Variants in ERI3 observed in about 807,000 individuals in gnomAD.
ERI3 encodes the protein ERI1 exoribonuclease 3.
A neutral mutation model predicts 44.4 loss-of-function variants in ERI3; 18 were observed. The ratio of observed to expected loss-of-function variants is 0.41; its 90% CI spans 0.28 to 0.60. The LOEUF (loss-of-function observed/expected upper bound fraction) is 0.60, where lower values mean the gene tolerates loss of function less well. ERI3 is among the 20% of genes least tolerant of loss of function. The pLI is 0.36. For synonymous variants in ERI3, 183 were observed against 164.8 expected, an observed-to-expected ratio of 1.11 and a Z score of -0.84; for missense variants, 294 against 435.5, an observed-to-expected ratio of 0.68 and a Z score of 2.89.
chr1:44,312,970 GA>G (rs1296034045), intron 5 of ERI3, among the ~76,000 whole-genome samples, 198 bp downstream of exon 5: 3 of 152,370 alleles, frequency 2.0e-5, no homozygotes, highest in Non-Finnish European at 2.9e-5. Flanking sequence ...CATCTTGTCA[GA>G]AACCCTGACG....
chr1:44,244,925 G>A (rs1644522327), intron 8 of ERI3, among the ~76,000 whole-genome samples: 1 of 152,110 alleles, frequency 6.6e-6, no homozygotes, highest in Non-Finnish European at 1.5e-5. Flanking sequence ...TGGCTCAGCT[G>A]TGGGATCTGC....
In ERI3 at chr1:44,313,202, C is replaced by T. The variant is rs1177697661; in HGVS notation, c.633G>A (p.Val211=). ...CTTGCTGCAGGCTTGGCTGACCATC[C>T]ACCATGGCTTGAATAATCCCGGTGA... ...TELTGIIQAM[V]DGQPSLQQVL... is the part of the protein sequence containing the mutation. The change falls in exon 5 of 9, where the codon GTG becomes GTA. Residue 211 remains valine (V), a synonymous_variant. Transcript: ENST00000372257. 1 of 1,614,142 alleles carries T rather than the reference C, an allele frequency of 6.2e-7. No homozygotes were observed.
rs76575541 is a variant in ERI3, at chr1:44,307,281, C to T, written c.758+1029G>A. ...TGGGTACATAACTTCACCTCAATGC[C>T]CAGCATTCAAACGGCTTACAAAGGG... On this transcript the variant is annotated intron_variant, in intron 6 of 8. Transcript: ENST00000372257. 2.7e-3 allele frequency among the ~76,000 whole-genome samples: 414 copies of T among 152,130 alleles called. 1 individual carries two copies. Among genetic ancestry groups the T allele is most frequent in the South Asian group, 6.6e-3 (32 of 4,818 alleles).
At chr1:44,278,403 G>A (rs577923439) in intron 7 of ERI3, among the ~76,000 whole-genome samples, 2 of 151,424 alleles carry the variant, frequency 1.3e-5, no homozygotes, top group Non-Finnish European at 2.9e-5. Context: ...CTTGAACCCA[G>A]GAGGCAGAGG....
At chr1:44,325,620 T>C (rs1429165365) in intron 3 of ERI3, among the ~76,000 whole-genome samples, 35 of 152,318 alleles carry the variant, frequency 2.3e-4, no homozygotes, top group Non-Finnish European at 2.9e-5. Context: ...CAGGTTAGAC[T>C]GTTGGGATTC....
At chr1:44,255,835 G>A (rs1171096676) in intron 7 of ERI3, among the ~76,000 whole-genome samples, 1 of 152,162 alleles carries the variant, frequency 6.6e-6, no homozygotes, top group Non-Finnish European at 1.5e-5. Context: ...TGGGATTGCT[G>A]TTTCATGCCT....
At chr1:44,337,735 AT>A (rs984474343) in intron 3 of ERI3, among the ~76,000 whole-genome samples, 4 of 152,158 alleles carry the variant, frequency 2.6e-5, no homozygotes, top group Non-Finnish European at 5.9e-5. Context: ...ATGTAAAATA[AT>A]TTACCATTTT....
chr1:44,353,767 G>A (rs1481019223), intron 1 of ERI3: 1 of 985,320 alleles, frequency 1.0e-6, no homozygotes, highest in Non-Finnish European at 1.2e-6. Flanking sequence ...GGCAGGAATT[G>A]TTAATGAGCT....
intron 7 of ERI3, among the ~76,000 whole-genome samples, chr1:44,272,323 G>A (rs966378424): frequency 1.2e-4 from 19 of 152,254 alleles, no homozygotes; most frequent in African/African-American, 4.6e-4. Context: ...TTCAGAGAGG[G>A]ACTTGCTCCA....
intron 3 of ERI3, among the ~76,000 whole-genome samples, chr1:44,323,531 C>A (rs1646246145): frequency 6.6e-6 from 1 of 152,294 alleles, no homozygotes; most frequent in Non-Finnish European, 1.5e-5. Flanking sequence ...TGGCTGTAGA[C>A]ACAGAGATGA....
At chr1:44,346,507 C>T (rs1646785879) in intron 2 of ERI3, among the ~76,000 whole-genome samples, 1 of 152,200 alleles carries the variant, frequency 6.6e-6, no homozygotes, top group Non-Finnish European at 1.5e-5. Flanking sequence ...TCAGTTGCAA[C>T]CTCATCACAC....
At chr1:44,247,831 G>C in intron 8 of ERI3, 108 bp downstream of exon 8, 2 of 842,694 alleles carry the variant, frequency 2.4e-6, no homozygotes, top group South Asian at 3.8e-5. Flanking sequence ...AGAGAGCCCT[G>C]TTGGGGCACT....
chr1:44,325,239 G>A (rs796622450), intron 3 of ERI3, among the ~76,000 whole-genome samples: 2 of 151,922 alleles, frequency 1.3e-5, no homozygotes, highest in African/African-American at 2.4e-5. Flanking sequence ...GACCACACCC[G>A]GCTATTTTTG....
chr1:44,278,351 C>T (rs752593465), intron 7 of ERI3, among the ~76,000 whole-genome samples: 21 of 152,012 alleles, frequency 1.4e-4, no homozygotes, highest in Admixed American at 3.3e-4. Flanking sequence ...GTAGCACACA[C>T]CTGCAGTCCC....
intron 3 of ERI3, among the ~76,000 whole-genome samples, chr1:44,330,188 A>G (rs905603308): frequency 5.3e-5 from 8 of 152,244 alleles, no homozygotes; most frequent in Admixed American, 6.5e-5. Context: ...CGGCTCCCCA[A>G]CTGTACCCCC....
chr1:44,259,920 T>TAGATAGATAGATAGACAGACAGAC (rs778936296), intron 7 of ERI3, among the ~76,000 whole-genome samples: 17 of 129,632 alleles, frequency 1.3e-4, no homozygotes, highest in Admixed American at 3.0e-4. Flanking sequence ...GATAGATAGA[T>TAGATAGATAGATAGACAGACAGAC]AGACAGACAG....
At chr1:44,341,741 T>C (rs1444897240) in intron 2 of ERI3, among the ~76,000 whole-genome samples, 1 of 151,952 alleles carries the variant, frequency 6.6e-6, no homozygotes, top group Non-Finnish European at 1.5e-5. Flanking sequence ...AAATTAAAAA[T>C]TAGCCAGGCG....
At chr1:44,324,476 CTTTTTTTT>C (rs35475844) in intron 3 of ERI3, among the ~76,000 whole-genome samples, 3 of 90,432 alleles carry the variant, frequency 3.3e-5, no homozygotes, top group Admixed American at 1.4e-4. Context: ...AACATAGACT[CTTTTTTTT>C]TTTTTTTTTT....
chr1:44,248,111 C>A (rs968718397), intron 7 of ERI3, 73 bp from the exon 8 acceptor site: 3 of 980,172 alleles, frequency 3.1e-6, no homozygotes, highest in East Asian at 2.8e-5. Context: ...AGGTCTTCCC[C>A]CCACCCCCCA....
Sources: gnomAD v4.1 joint callset for allele counts (sites outside exome capture counted in the v4.1 genomes callset) on GRCh38, gnomAD v4.1.1 for gene constraint, MANE v1.5 for transcripts, NCBI Gene and HGNC (gene_info 2026-07-23, HGNC 2026-07-21) for gene names.